The following PPP3CA variants were observed in gnomAD, a reference collection of about 807,000 sequenced individuals.
PPP3CA encodes CAM-PRP catalytic subunit.
A neutral mutation model predicts 66.5 loss-of-function variants in PPP3CA; 14 were observed. The observed-to-expected ratio is 0.21, with a 90% CI of 0.14 to 0.33. The LOEUF is 0.33. Ranked by LOEUF, PPP3CA falls within the 10% of genes least tolerant of loss-of-function variation. The probability of loss-of-function intolerance (pLI) is 1.00; values close to 1 mark genes in which losing one functional copy is unlikely to be tolerated. For synonymous variants in PPP3CA, 232 were observed against 226.2 expected, an observed-to-expected ratio of 1.03 and a Z score of -0.23; for missense variants, 317 against 639.5, an observed-to-expected ratio of 0.50 and a Z score of 5.44.
At chr4:101,136,928 G>C (rs767481909) in intron 2 of PPP3CA, among the ~76,000 whole-genome samples, 11 of 152,022 alleles carry the variant, frequency 7.2e-5, no homozygotes, top group Non-Finnish European at 1.6e-4. Context: ...ATAACTCAAA[G>C]AGACAATATA....
chr4:101,198,757 C>G (rs1332385246), intron 1 of PPP3CA, among the ~76,000 whole-genome samples: 1 of 152,164 alleles, frequency 6.6e-6, no homozygotes, highest in East Asian at 1.9e-4. Flanking sequence ...CATCCAAGGC[C>G]AAGATCACTG....
chr4:101,309,681 G>A (rs747734974), intron 1 of PPP3CA, among the ~76,000 whole-genome samples: 1 of 151,968 alleles, frequency 6.6e-6, no homozygotes, highest in Non-Finnish European at 1.5e-5. Flanking sequence ...CCAATTATAC[G>A]TTTTTTTAAA....
At chr4:101,041,157 G>C (rs1727496232) in intron 10 of PPP3CA, among the ~76,000 whole-genome samples, 1 of 152,080 alleles carries the variant, frequency 6.6e-6, no homozygotes, top group South Asian at 2.1e-4. Context: ...AAAGAGTAGA[G>C]AACTGCTAAA....
intron 2 of PPP3CA, among the ~76,000 whole-genome samples, chr4:101,189,944 C>T (rs1312995367): frequency 6.6e-6 from 1 of 151,856 alleles, no homozygotes; most frequent in Non-Finnish European, 1.5e-5. Flanking sequence ...ATGTTACTGA[C>T]TCAGAAAGAG....
At chr4:101,054,286 A>G (rs1309323344) in intron 10 of PPP3CA, among the ~76,000 whole-genome samples, 1 of 152,136 alleles carries the variant, frequency 6.6e-6, no homozygotes, top group African/African-American at 2.4e-5. Context: ...GGCTCTTAGT[A>G]TATGTGCTGC....
intron 1 of PPP3CA, among the ~76,000 whole-genome samples, chr4:101,275,179 C>T (rs1379991044): frequency 6.6e-6 from 1 of 152,184 alleles, no homozygotes; most frequent in Admixed American, 6.5e-5. Flanking sequence ...AAACTCTCTG[C>T]AGCCCTGACT....
intron 2 of PPP3CA, among the ~76,000 whole-genome samples, chr4:101,126,093 A>T (rs939673363): frequency 2.0e-5 from 3 of 152,258 alleles, no homozygotes; most frequent in Admixed American, 2.0e-4. Flanking sequence ...ATCTGCTAGA[A>T]TAATGCATGA....
At chr4:101,246,357 C>G (rs765815553) in intron 1 of PPP3CA, among the ~76,000 whole-genome samples, 1 of 152,148 alleles carries the variant, frequency 6.6e-6, no homozygotes. Flanking sequence ...CTTATTTATT[C>G]TGATCATCTT....
chr4:101,205,655 A>G (rs1156638388), intron 1 of PPP3CA, among the ~76,000 whole-genome samples: 1 of 152,142 alleles, frequency 6.6e-6, no homozygotes, highest in Non-Finnish European at 1.5e-5. Flanking sequence ...CCATGCCCAC[A>G]TGCCCACCTA....
intron 2 of PPP3CA, among the ~76,000 whole-genome samples, chr4:101,113,909 A>G (rs1446888574): frequency 6.6e-6 from 1 of 152,226 alleles, no homozygotes; most frequent in East Asian, 1.9e-4. Flanking sequence ...CCAAATCCTC[A>G]GGAGGCTAGG....
intron 1 of PPP3CA, among the ~76,000 whole-genome samples, chr4:101,309,053 G>C (rs1408851443): frequency 1.3e-5 from 2 of 152,218 alleles, no homozygotes; most frequent in South Asian, 2.1e-4. Context: ...CTTAAGCCTA[G>C]GCTATTGAGG....
intron 1 of PPP3CA, among the ~76,000 whole-genome samples, chr4:101,274,937 T>C (rs1037210319): frequency 2.0e-5 from 3 of 152,204 alleles, no homozygotes; most frequent in African/African-American, 7.2e-5. Context: ...AGTAATAGCA[T>C]TGAAAGCCTT....
chr4:101,254,550 A>G (rs1726779545), intron 1 of PPP3CA, among the ~76,000 whole-genome samples: 1 of 151,948 alleles, frequency 6.6e-6, no homozygotes, highest in Non-Finnish European at 1.5e-5. Flanking sequence ...TCTAAGAATA[A>G]AAATTAAATA....
intron 1 of PPP3CA, among the ~76,000 whole-genome samples, chr4:101,315,099 A>T (rs1728844720): frequency 1.3e-5 from 2 of 152,172 alleles, no homozygotes; most frequent in South Asian, 4.1e-4. Context: ...TTGGGACATG[A>T]TTGAGTCATG....
intron 2 of PPP3CA, among the ~76,000 whole-genome samples, chr4:101,132,139 C>G (rs997873321): frequency 1.3e-5 from 2 of 151,936 alleles, no homozygotes; most frequent in Non-Finnish European, 2.9e-5. Context: ...TAAATGCCCA[C>G]AGGAGAAAGT....
chr4:101,287,979 A>T (rs1171520833), intron 1 of PPP3CA, among the ~76,000 whole-genome samples: 2 of 152,188 alleles, frequency 1.3e-5, no homozygotes, highest in African/African-American at 4.8e-5. Flanking sequence ...CGTTTAAGTC[A>T]GACAGGTTGA....
chr4:101,033,339 G>A (rs1427622166), intron 11 of PPP3CA, among the ~76,000 whole-genome samples: 1 of 149,666 alleles, frequency 6.7e-6, no homozygotes, highest in Non-Finnish European at 1.5e-5. Flanking sequence ...CAGGGAGAGA[G>A]TTTAGTATGT....
chr4:101,263,335 T>G (rs1412802726), intron 1 of PPP3CA, among the ~76,000 whole-genome samples: 3 of 152,192 alleles, frequency 2.0e-5, no homozygotes, highest in Non-Finnish European at 4.4e-5. Context: ...CCATTCCAGA[T>G]AAATTAAATC....
At chr4:101,181,575 C>A (rs2110175570) in intron 2 of PPP3CA, among the ~76,000 whole-genome samples, 1 of 152,118 alleles carries the variant, frequency 6.6e-6, no homozygotes, top group Non-Finnish European at 1.5e-5. Context: ...TAAGTATAAT[C>A]TGGAATCTAA....
Sources: gnomAD v4.1 joint callset for allele counts (sites outside exome capture counted in the v4.1 genomes callset) on GRCh38, gnomAD v4.1.1 for gene constraint, MANE v1.5 for transcripts, NCBI Gene and HGNC (gene_info 2026-07-23, HGNC 2026-07-21) for gene names.